The following CPLANE1 variants were observed in gnomAD, a reference collection of about 807,000 sequenced individuals.
The protein encoded by CPLANE1 is ciliogenesis and planar polarity effector 1.
CPLANE1 carries 263 observed loss-of-function variants against 362.5 expected under a neutral mutation model. The ratio of observed to expected loss-of-function variants is 0.73; its 90% CI spans 0.66 to 0.80. The LOEUF (loss-of-function observed/expected upper bound fraction) is 0.80, where lower values mean the gene tolerates loss of function less well. Ranked by LOEUF, CPLANE1 falls within the 30% of genes least tolerant of loss-of-function variation. CPLANE1 has a pLI of 0.00. For synonymous variants in CPLANE1, 1,212 were observed against 1,302.6 expected (o/e 0.93, Z 1.50); for missense variants, 3,461 against 3,793.4 (o/e 0.91, Z 2.30).
intron 21 of CPLANE1, among the ~76,000 whole-genome samples, chr5:37,193,642 A>G (rs1214262247): frequency 1.3e-5 from 2 of 152,192 alleles, no homozygotes; most frequent in Admixed American, 1.3e-4. Context: ...GTGACAGAAT[A>G]AGACTCCATC....
chr5:37,114,898 C>CAAAA, intron 51 of CPLANE1, 62 bp downstream of exon 51: 6 of 859,184 alleles, frequency 7.0e-6, no homozygotes, highest in South Asian at 3.3e-5. Flanking sequence ...GACTCTGTCT[C>CAAAA]AAAAAAAAAA....
At chr5:37,212,506 AAAAG>A (rs1446883108) in intron 16 of CPLANE1, 22 of 592,882 alleles carry the variant, frequency 3.7e-5, no homozygotes, top group African/African-American at 5.6e-5. Context: ...AAAAAAAAAA[AAAAG>A]AAAGAAACTA....
rs1234148939 is a variant in CPLANE1, at chr5:37,107,135, C to T, written c.*467G>A. 1 of 985,354 alleles carries T rather than the reference C, an allele frequency of 1.0e-6. No homozygotes were observed. Among genetic ancestry groups the T allele is most frequent in the Non-Finnish European group, 1.2e-6 (1 of 829,872 alleles). The allele number at this position is 985,354 out of a possible 1,614,324, so 61.0% of individuals were successfully genotyped here. A position where few individuals can be genotyped will look rare whatever the true frequency, so the allele number is the denominator to read the frequency against. On this transcript the variant is annotated 3_prime_UTR_variant, in exon 53 of 53. Coordinates refer to ENST00000651892, the MANE Select transcript of CPLANE1 (RefSeq NM_001384732.1). ...TTTTTCTTTTCACTCCTAGGCTAAACCCTGCATAGGTGTTTTAAAATAGGG... is the reference window on the plus strand; with the variant it reads ...TTTTTCTTTTCACTCCTAGGCTAAATCCTGCATAGGTGTTTTAAAATAGGG...
intron 1 of CPLANE1, among the ~76,000 whole-genome samples, chr5:37,248,013 C>T (rs985237005): frequency 2.0e-5 from 3 of 151,770 alleles, no homozygotes; most frequent in African/African-American, 7.3e-5. Flanking sequence ...TGGTCTCAAA[C>T]TCCTGACTTC....
At position 37,165,623 on chromosome 5, in the gene CPLANE1, T is replaced by G; in HGVS notation, c.7449A>C (p.Lys2483Asn). Residue 2483 changes from lysine (K) to asparagine (N), a missense_variant, in exon 36 of 53, where the codon AAA becomes AAC. Transcript: ENST00000651892. The stretch of plus-strand genomic sequence containing the variant: ...AAGTCACATTTGGTTTTCTCCTCAG[T>G]TTCTCACATCTTTTTTCTTGCAGCT... The part of the protein sequence containing the change: ...EKELQEKRCE[K>N]LRRKPNVTFR... 11 of 1,612,158 alleles carry G rather than the reference T, an allele frequency of 6.8e-6. No individual in the cohort carries two copies. The highest frequency in any genetic ancestry group is 9.3e-6 in the Non-Finnish European group (11 of 1,179,598).
chr5:37,206,304 C>T lies in CPLANE1; in HGVS notation c.3042G>A (p.Leu1014=), dbSNP rs1157392086. The T allele has an allele frequency of 6.4e-7, 1 of 1,551,712 alleles. No individual in the cohort carries two copies. The change falls in exon 17 of 53, where the codon CTG becomes CTA. Residue 1014 remains leucine (L), a synonymous_variant. Transcript: ENST00000651892. The part of the protein sequence containing the change: ...YALELLFIGG[L]VPEAVWLAYK... ...ATGCCAACCACACAGCCTCTGGAAC[C>T]AGGCCACCAATAAATAGTAATTCAA...
At position 37,175,921 on chromosome 5, in the gene CPLANE1, G is replaced by A. The variant is rs775696760; in HGVS notation, c.5966C>T (p.Ser1989Leu). ...TPQSMQVDTS[S>L]EISSAQISTY... Reference sequence around the variant, plus strand: ...CAAAACTTCTTACCTAGAAATTTCTGAACTCGTATCTACTTGCATTGATTG... The same window carrying A: ...CAAAACTTCTTACCTAGAAATTTCTAAACTCGTATCTACTTGCATTGATTG... The change falls in exon 31 of 53, where the codon TCA becomes TTA. Residue 1989 changes from serine (S) to leucine (L), a missense_variant. Physicochemically the swap from Ser to Leu is moderately radical, Grantham distance 145. This residue lies in a region of CPLANE1 where 3,380 missense variants were observed against 3,666.1 expected (regional missense o/e 0.92). Transcript: ENST00000651892. 1.2e-6 allele frequency: 2 copies of A among 1,612,258 alleles called. No homozygotes were observed. The highest frequency in any genetic ancestry group is 1.7e-6 in the Non-Finnish European group (2 of 1,178,810).
chr5:37,221,495 CAAG>C lies in CPLANE1; in HGVS notation c.2582-10_2582-8del. 1 of 1,485,624 alleles carries C rather than the reference CAAG, an allele frequency of 6.7e-7. No homozygotes were observed. The highest frequency in any genetic ancestry group is 8.9e-7 in the Non-Finnish European group (1 of 1,122,280). 92.0% of individuals were successfully genotyped at this position (1,485,624 alleles called of 1,614,324 possible). The stretch of plus-strand genomic sequence containing the variant: ...AAATACGTCCTTCTTCCTCCTGAAA[CAAG>C]AAGTAAGCTCACCTTAAAAGTATGT... On this transcript the variant is annotated splice_polypyrimidine_tract_variant and splice_region_variant and intron_variant, in intron 14 of 52. Coordinates refer to ENST00000651892, the MANE Select transcript of CPLANE1 (RefSeq NM_001384732.1).
intron 6 of CPLANE1, among the ~76,000 whole-genome samples, chr5:37,242,733 T>C (rs1158183334): frequency 1.3e-5 from 2 of 151,856 alleles, no homozygotes; most frequent in East Asian, 1.9e-4. Flanking sequence ...TAAAAAGGGA[T>C]AGAAAATATG....
chr5:37,158,418 T>C (rs901286295), intron 38 of CPLANE1, 73 bp from the exon 39 acceptor site: 1 of 1,417,842 alleles, frequency 7.1e-7, no homozygotes, highest in African/African-American at 1.4e-5. Context: ...ATCAGCTTTG[T>C]ATGAACAAGT....
chr5:37,155,324 A>G (rs1012236698), intron 41 of CPLANE1, among the ~76,000 whole-genome samples: 7 of 152,180 alleles, frequency 4.6e-5, no homozygotes, highest in Non-Finnish European at 8.8e-5. Context: ...ATTTCTTTAA[A>G]CGAACAAACA....
At chr5:37,098,709 C>T in the CPLANE1 span, among the ~76,000 whole-genome samples, 1 of 149,748 alleles carries the variant, frequency 6.7e-6, no homozygotes, top group African/African-American at 2.5e-5. Flanking sequence ...TGGAATAAAA[C>T]AGACATTAAT....
downstream of CPLANE1, among the ~76,000 whole-genome samples, chr5:37,103,460 G>T (rs1757395482): frequency 6.6e-6 from 1 of 152,182 alleles, no homozygotes; most frequent in Non-Finnish European, 1.5e-5. Flanking sequence ...GCTTCATAGT[G>T]TCACTGGTCT....
chr5:37,152,596 T>A (rs1185348126), intron 42 of CPLANE1, among the ~76,000 whole-genome samples: 1 of 152,170 alleles, frequency 6.6e-6, no homozygotes, highest in Non-Finnish European at 1.5e-5. Context: ...GTCTACCTTT[T>A]ATAGAAAACT....
At chr5:37,242,029 T>C (rs1800635736) in intron 6 of CPLANE1, among the ~76,000 whole-genome samples, 1 of 152,228 alleles carries the variant, frequency 6.6e-6, no homozygotes, top group Non-Finnish European at 1.5e-5. Flanking sequence ...CACACCATTT[T>C]ACTCAATCTT....
intron 2 of CPLANE1, among the ~76,000 whole-genome samples, chr5:37,247,260 G>C (rs1740007038): frequency 6.6e-6 from 1 of 152,114 alleles, no homozygotes; most frequent in African/African-American, 2.4e-5. Context: ...ACAATAGGAG[G>C]AAACACTCCA....
At position 37,231,038 on chromosome 5, in the gene CPLANE1, AC is replaced by A; in HGVS notation, c.949del (p.Val317Ter). 3.3e-6 allele frequency: 5 copies of A among 1,527,306 alleles called. No homozygotes were observed. The highest frequency in any genetic ancestry group is 4.4e-6 in the Non-Finnish European group (5 of 1,137,400). The allele number at this position is 1,527,306 out of a possible 1,614,324, so 94.6% of individuals were successfully genotyped here. On this transcript the variant is annotated frameshift_variant, in exon 9 of 53. Transcript: ENST00000651892. The stretch of plus-strand genomic sequence containing the variant: ...ATCATGCGTCCAGCTGATATCACCT[AC>A]CCAGTAGGACCTATAATAAATAAGA... ...VPATLIRSYW[V>X]GDISWTHDSL...
chr5:37,173,345 C>T (rs192935137), intron 32 of CPLANE1, among the ~76,000 whole-genome samples: 1 of 152,164 alleles, frequency 6.6e-6, no homozygotes, highest in Non-Finnish European at 1.5e-5. Flanking sequence ...TTTGATTACT[C>T]CCCACCTCAC....
intron 30 of CPLANE1, 107 bp downstream of exon 30, chr5:37,177,514 A>C (rs1781503474): frequency 1.3e-6 from 1 of 786,588 alleles, no homozygotes; most frequent in Non-Finnish European, 2.1e-6. Flanking sequence ...TTTCACTAGA[A>C]ACACAATACC....
Sources: allele counts gnomAD v4.1 joint callset (sites outside exome capture counted in the v4.1 genomes callset), GRCh38; gene constraint gnomAD v4.1.1; regional missense constraint gnomAD v4.1.1; transcripts MANE v1.5; gene names NCBI Gene and HGNC (gene_info 2026-07-23, HGNC 2026-07-21).